Variants in EPHB2 observed in about 807,000 individuals in gnomAD.
EPHB2 encodes the protein EPH receptor B2.
EPHB2 carries 18 observed loss-of-function variants against 96.4 expected under a neutral mutation model. That is an observed-to-expected ratio of 0.19 (90% CI 0.13 to 0.28). EPHB2 has a LOEUF of 0.28. Ranked by LOEUF, EPHB2 falls within the 10% of genes least tolerant of loss-of-function variation. The probability of loss-of-function intolerance (pLI) is 1.00; values close to 1 mark genes in which losing one functional copy is unlikely to be tolerated. For missense variants in EPHB2, 989 were observed against 1,355.4 expected (o/e 0.73, Z 4.25); for synonymous variants, 506 against 534.1 (o/e 0.95, Z 0.72).
At chr1:22,738,940 G>A (rs1259048688) in intron 1 of EPHB2, among the ~76,000 whole-genome samples, 1 of 152,222 alleles carries the variant, frequency 6.6e-6, no homozygotes, top group African/African-American at 2.4e-5. Context: ...GATACCAGCA[G>A]TGAGCTAGTA....
intron 3 of EPHB2, among the ~76,000 whole-genome samples, chr1:22,821,293 CTTGA>C (rs1290063769): frequency 4.6e-5 from 7 of 152,158 alleles, no homozygotes; most frequent in Non-Finnish European, 1.0e-4. Flanking sequence ...GAAGCATAAG[CTTGA>C]TTCTGGAATG....
intron 3 of EPHB2, among the ~76,000 whole-genome samples, chr1:22,797,067 C>CT (rs1201703242): frequency 2.0e-5 from 3 of 152,046 alleles, no homozygotes. Flanking sequence ...GGCTATTGTC[C>CT]CCATTCTTCA....
chr1:22,743,527 A>G (rs751041557), intron 1 of EPHB2, among the ~76,000 whole-genome samples: 1 of 151,968 alleles, frequency 6.6e-6, no homozygotes, highest in Non-Finnish European at 1.5e-5. Flanking sequence ...CTGGAGTGCA[A>G]TGGGGTGATC....
At chr1:22,721,195 A>G (rs1318380220) in intron 1 of EPHB2, among the ~76,000 whole-genome samples, 4 of 152,256 alleles carry the variant, frequency 2.6e-5, no homozygotes, top group African/African-American at 9.6e-5. Flanking sequence ...AGTTTGGACC[A>G]CAGGCTGGCC....
chr1:22,893,889 C>T (rs1639470093), intron 7 of EPHB2, among the ~76,000 whole-genome samples: 1 of 152,214 alleles, frequency 6.6e-6, no homozygotes, highest in African/African-American at 2.4e-5. Flanking sequence ...CTTTTACCAG[C>T]CAGTCAAACT....
At chr1:22,746,922 A>T (rs1258764559) in intron 1 of EPHB2, among the ~76,000 whole-genome samples, 1 of 152,134 alleles carries the variant, frequency 6.6e-6, no homozygotes, top group Non-Finnish European at 1.5e-5. Context: ...CATTCCTGGA[A>T]GGGGGTTAGG....
At chr1:22,774,547 T>G (rs767988107) in intron 1 of EPHB2, 24 of 985,074 alleles carry the variant, frequency 2.4e-5, no homozygotes, top group Non-Finnish European at 2.8e-5. Context: ...AAAGGTCAAG[T>G]CACCAGTGTT....
intron 7 of EPHB2, 139 bp from the exon 8 acceptor site, chr1:22,895,333 A>G: frequency 1.3e-6 from 1 of 759,112 alleles, no homozygotes; most frequent in Non-Finnish European, 2.3e-6. Flanking sequence ...CTGCATGGGC[A>G]TGTAACAGGT....
intron 3 of EPHB2, among the ~76,000 whole-genome samples, chr1:22,810,891 GC>G (rs1194491997): frequency 6.6e-6 from 1 of 152,132 alleles, no homozygotes; most frequent in Admixed American, 6.5e-5. Context: ...AGAGGCCCTG[GC>G]AGCCCCAAGT....
chr1:22,907,124 T>C (rs1002111011), intron 11 of EPHB2, among the ~76,000 whole-genome samples, 167 bp downstream of exon 11: 6 of 152,204 alleles, frequency 3.9e-5, no homozygotes, highest in Non-Finnish European at 8.8e-5. Flanking sequence ...GCACTGCTAA[T>C]CAATCCCAGC....
intron 5 of EPHB2, among the ~76,000 whole-genome samples, chr1:22,866,548 G>A (rs1638484848): frequency 6.6e-6 from 1 of 152,076 alleles, no homozygotes; most frequent in African/African-American, 2.4e-5. Flanking sequence ...ACAAACAAGA[G>A]CTGCTTCACC....
chr1:22,861,462 AC>A (rs34104306), intron 3 of EPHB2, among the ~76,000 whole-genome samples: 1 of 152,030 alleles, frequency 6.6e-6, no homozygotes, highest in Non-Finnish European at 1.5e-5. Context: ...ACATAGTGAG[AC>A]CCCCCATCTC....
At chr1:22,842,236 G>A (rs1218785577) in intron 3 of EPHB2, among the ~76,000 whole-genome samples, 1 of 152,122 alleles carries the variant, frequency 6.6e-6, no homozygotes, top group African/African-American at 2.4e-5. Context: ...TCGATGGGCA[G>A]CCAGCTCACT....
At chr1:22,879,959 T>C (rs1638978936) in intron 5 of EPHB2, among the ~76,000 whole-genome samples, 1 of 152,062 alleles carries the variant, frequency 6.6e-6, no homozygotes, top group African/African-American at 2.4e-5. Context: ...TGCCACCTCA[T>C]CTGGAGTGTC....
chr1:22,894,572 A>G (rs1639494558), intron 7 of EPHB2, among the ~76,000 whole-genome samples: 1 of 151,356 alleles, frequency 6.6e-6, no homozygotes, highest in Non-Finnish European at 1.5e-5. Flanking sequence ...ACTCCAGCCT[A>G]GTGACAAGAG....
intron 1 of EPHB2, among the ~76,000 whole-genome samples, chr1:22,747,720 C>T (rs1216877053): frequency 2.0e-5 from 3 of 152,236 alleles, no homozygotes; most frequent in African/African-American, 7.2e-5. Context: ...TTTGGGGACT[C>T]AGGTGCGACC....
chr1:22,857,382 G>T (rs755876670), intron 3 of EPHB2, among the ~76,000 whole-genome samples: 16 of 152,064 alleles, frequency 1.1e-4, no homozygotes, highest in Non-Finnish European at 2.4e-4. Flanking sequence ...CTAAAAGTGG[G>T]CACACACATC....
chr1:22,878,959 C>G (rs900065681), intron 5 of EPHB2, among the ~76,000 whole-genome samples: 18 of 152,222 alleles, frequency 1.2e-4, no homozygotes, highest in African/African-American at 4.3e-4. Context: ...TATCAACGTG[C>G]TGTAAGACAG....
intron 1 of EPHB2, among the ~76,000 whole-genome samples, chr1:22,765,991 T>G (rs764630502): frequency 2.0e-5 from 3 of 152,166 alleles, no homozygotes; most frequent in Non-Finnish European, 4.4e-5. Flanking sequence ...CCTTAGACAT[T>G]CCCTGTTTGT....
Sources: gnomAD v4.1 joint callset for allele counts (sites outside exome capture counted in the v4.1 genomes callset) on GRCh38, gnomAD v4.1.1 for gene constraint, MANE v1.5 for transcripts, NCBI Gene and HGNC (gene_info 2026-07-23, HGNC 2026-07-21) for gene names.